The following TOP2B variants were observed in gnomAD, a reference collection of about 807,000 sequenced individuals.
TOP2B encodes DNA topoisomerase 2-beta.
Under a neutral mutation model 193.5 loss-of-function variants are expected in TOP2B, and 51 were observed. The ratio of observed to expected loss-of-function variants is 0.26; its 90% confidence interval spans 0.21 to 0.33. TOP2B has a LOEUF of 0.33. TOP2B is among the 10% of genes least tolerant of loss of function. TOP2B has a pLI of 1.00. For missense variants in TOP2B, 1,378 were observed against 1,909.3 expected, an observed-to-expected ratio of 0.72 and a Z score of 5.19; for synonymous variants, 634 against 635.7, an observed-to-expected ratio of 1.00 and a Z score of 0.04.
chr3:25,613,848 A>C (rs1328524253), intron 27 of TOP2B, among the ~76,000 whole-genome samples: 2 of 152,178 alleles, frequency 1.3e-5, no homozygotes, highest in Non-Finnish European at 2.9e-5. Context: ...AAGATGAGTA[A>C]TTCTATAATG....
chr3:25,651,639 G>C (rs1159995002), intron 1 of TOP2B, among the ~76,000 whole-genome samples: 1 of 152,084 alleles, frequency 6.6e-6, no homozygotes, highest in Non-Finnish European at 1.5e-5. Context: ...ACCAAGGTGG[G>C]CAGATCACTT....
rs1290686370 is a variant in TOP2B, at chr3:25,598,108, T to G, written c.*199A>C. On this transcript the variant is annotated 3_prime_UTR_variant, in exon 36 of 36. Coordinates refer to ENST00000264331, the MANE Select transcript of TOP2B (RefSeq NM_001330700.2). ...ACAATTCTACAAGCCAATCAGACAGTACGTGACATTTCAATGAGTAAAAAA... is the reference window on the plus strand; with the variant it reads ...ACAATTCTACAAGCCAATCAGACAGGACGTGACATTTCAATGAGTAAAAAA... 2.0e-5 allele frequency: 10 copies of G among 500,872 alleles called. No individual in the cohort carries two copies. The highest frequency in any genetic ancestry group is 5.2e-4 in the Middle Eastern group (1 of 1,922). The allele number at this position is 500,872 out of a possible 1,614,324, so 31.0% of individuals were successfully genotyped here.
At chr3:25,642,244 T>A (rs1194204292) in intron 4 of TOP2B, 78 bp downstream of exon 4, 2 of 806,556 alleles carry the variant, frequency 2.5e-6, no homozygotes, top group Non-Finnish European at 4.0e-6. Context: ...CCCATATACA[T>A]TATTTGAGGA....
At chr3:25,655,500 T>C (rs1703717535) in intron 1 of TOP2B, among the ~76,000 whole-genome samples, 1 of 152,144 alleles carries the variant, frequency 6.6e-6, no homozygotes, top group Admixed American at 6.5e-5. Context: ...AAAAATAGAA[T>C]TACTATATGA....
intron 20 of TOP2B, 114 bp from the exon 21 acceptor site, chr3:25,623,860 T>G (rs1702727278): frequency 1.4e-6 from 1 of 693,482 alleles, no homozygotes; most frequent in Admixed American, 2.9e-5. Flanking sequence ...GAGAATGCAT[T>G]TTTAATAATT....
intron 20 of TOP2B, among the ~76,000 whole-genome samples, chr3:25,624,051 C>G (rs1575571816): frequency 6.6e-6 from 1 of 152,150 alleles, no homozygotes; most frequent in Non-Finnish European, 1.5e-5. Flanking sequence ...AACCCATCTT[C>G]AGCCTAAAGA....
chr3:25,622,979 T>C (rs566462394), intron 21 of TOP2B, among the ~76,000 whole-genome samples: 1 of 152,080 alleles, frequency 6.6e-6, no homozygotes, highest in Non-Finnish European at 1.5e-5. Context: ...AGTTTCCCCA[T>C]GTTGGTCAGT....
At chr3:25,641,150 C>A (rs1703251232) in intron 4 of TOP2B, among the ~76,000 whole-genome samples, 1 of 152,118 alleles carries the variant, frequency 6.6e-6, no homozygotes, top group Non-Finnish European at 1.5e-5. Context: ...AATCTTATTG[C>A]ATTAATGTGG....
chr3:25,637,349 A>T, intron 5 of TOP2B, 37 bp from the exon 6 acceptor site: 1 of 1,476,040 alleles, frequency 6.8e-7, no homozygotes, highest in Non-Finnish European at 9.2e-7. Flanking sequence ...TTTAGTAAAA[A>T]TGATTTTAAA....
chr3:25,607,432 A>T (rs928690544), intron 30 of TOP2B, 57 bp from the exon 31 acceptor site: 55 of 1,507,340 alleles, frequency 3.6e-5, no homozygotes, highest in Non-Finnish European at 4.6e-5. Context: ...GTATACATGA[A>T]TTATTATTAC....
chr3:25,612,767 C>A, intron 27 of TOP2B, 58 bp from the exon 28 acceptor site: 1 of 1,317,424 alleles, frequency 7.6e-7, no homozygotes, highest in Admixed American at 1.9e-5. Flanking sequence ...AAGATAATCA[C>A]TACTTCATAA....
At position 25,618,816 on chromosome 3, in the gene TOP2B, A is replaced by C; in HGVS notation, c.3097T>G (p.Tyr1033Asp). 6.2e-7 allele frequency: 1 copy of C among 1,608,566 alleles called. No homozygotes were observed. The highest frequency in any genetic ancestry group is 1.7e-5 in the Admixed American group (1 of 59,176). Residue 1033 changes from tyrosine (Y) to aspartate (D), a missense_variant, in exon 24 of 36, where the codon TAT (tyrosine) becomes GAT (aspartate). By Grantham distance (160) the Tyr-to-Asp change is radical. Transcript: ENST00000264331. ...TTCAGAATGTCTTGCACAGTTTCAT[A>C]TTTCTTCAGACATCCCATATGATCA... ...LFDHMGCLKK[Y>D]ETVQDILKEF...
intron 31 of TOP2B, 58 bp downstream of exon 31, chr3:25,607,113 T>A: frequency 1.3e-6 from 2 of 1,580,436 alleles, no homozygotes; most frequent in South Asian, 2.4e-5. Flanking sequence ...CACTATAATA[T>A]CTTTGGCAAA....
chr3:25,657,922 G>A (rs188493041), intron 1 of TOP2B, among the ~76,000 whole-genome samples: 12,866 of 128,954 alleles, frequency 0.1, 960 homozygotes, highest in African/African-American at 0.24. Flanking sequence ...TTAGCCGGGC[G>A]TAGTGGCGGG....
chr3:25,630,196 G>C (rs1270386106), intron 12 of TOP2B, 42 bp from the exon 13 acceptor site: 3 of 1,525,788 alleles, frequency 2.0e-6, no homozygotes, highest in Non-Finnish European at 2.6e-6. Context: ...TTGAAGTGTT[G>C]AAATATACGA....
chr3:25,641,875 T>C (rs532032814), intron 4 of TOP2B, among the ~76,000 whole-genome samples: 3 of 152,170 alleles, frequency 2.0e-5, no homozygotes, highest in Admixed American at 2.0e-4. Context: ...AAAAAAATAA[T>C]AAAAATCACC....
At chr3:25,607,438 A>T (rs958568375) in intron 30 of TOP2B, 63 bp from the exon 31 acceptor site, 48 of 1,486,286 alleles carry the variant, frequency 3.2e-5, no homozygotes, top group Non-Finnish European at 4.3e-5. Flanking sequence ...ATGAATTATT[A>T]TTACTGATAA....
chr3:25,637,353 T>A (rs1703132278), intron 5 of TOP2B, 41 bp from the exon 6 acceptor site: 2 of 1,456,146 alleles, frequency 1.4e-6, no homozygotes, highest in Non-Finnish European at 1.9e-6. Flanking sequence ...GTAAAAATGA[T>A]TTTAAAGGAA....
chr3:25,630,967 A>T, intron 10 of TOP2B, 28 bp from the exon 11 acceptor site: 1 of 1,546,132 alleles, frequency 6.5e-7, no homozygotes, highest in Non-Finnish European at 8.7e-7. Context: ...ATGGTATACA[A>T]ACAAGCTGAA....
Sources: allele counts gnomAD v4.1 joint callset (sites outside exome capture counted in the v4.1 genomes callset), GRCh38; gene constraint gnomAD v4.1.1; transcripts MANE v1.5; gene names NCBI Gene and HGNC (gene_info 2026-07-23, HGNC 2026-07-21).